SLC28A2: variants seen among roughly 807,000 people sequenced by gnomAD.
The protein encoded by SLC28A2 is sodium/nucleoside cotransporter 2.
SLC28A2 carries 69 observed loss-of-function variants against 72.9 expected under a neutral mutation model. The observed-to-expected ratio is 0.95, with a 90% CI of 0.78 to 1.16. The LOEUF is 1.16. SLC28A2 is among the 50% of genes most tolerant of loss of function. The probability of loss-of-function intolerance (pLI) is 0.00; values close to 1 mark genes in which losing one functional copy is unlikely to be tolerated. For synonymous variants in SLC28A2, 296 were observed against 294.1 expected (o/e 1.01, Z -0.07); for missense variants, 745 against 791.1 (o/e 0.94, Z 0.70).
At chr15:45,254,454 C>T (rs921936713) in intron 3 of SLC28A2, among the ~76,000 whole-genome samples, 1 of 152,150 alleles carries the variant, frequency 6.6e-6, no homozygotes, top group Admixed American at 6.6e-5. Flanking sequence ...TACCATTGTG[C>T]TATAGTTGCC....
chr15:45,272,008 A>G (rs769013403), intron 15 of SLC28A2: 12 of 328,932 alleles, frequency 3.6e-5, no homozygotes, highest in African/African-American at 6.4e-5. Flanking sequence ...AGAAACCCAG[A>G]GCCTTGCTTT....
chr15:45,268,162 G>A, intron 12 of SLC28A2, 48 bp from the exon 13 acceptor site: 1 of 1,547,676 alleles, frequency 6.5e-7, no homozygotes, highest in Non-Finnish European at 8.8e-7. Flanking sequence ...CTGAGGGGCT[G>A]AGACTGCTGT....
intron 13 of SLC28A2, among the ~76,000 whole-genome samples, chr15:45,268,910 T>C (rs370590779): frequency 2.0e-5 from 3 of 150,560 alleles, no homozygotes; most frequent in South Asian, 4.2e-4. Flanking sequence ...AGTAAACTAT[T>C]GCAAGGACAA....
intron 3 of SLC28A2, among the ~76,000 whole-genome samples, chr15:45,260,665 G>A (rs1257337008): frequency 6.6e-6 from 1 of 152,148 alleles, no homozygotes; most frequent in East Asian, 1.9e-4. Flanking sequence ...AGAAGGCTGA[G>A]GCAGGAGGGT....
rs1900735546 is a variant in SLC28A2 at position 45,275,723 on chromosome 15, C to G, written c.*210C>G. 4 of 448,966 alleles carry G rather than the reference C, an allele frequency of 8.9e-6. No homozygotes were observed. The highest frequency in any genetic ancestry group is 1.6e-5 in the Non-Finnish European group (4 of 248,952). 27.8% of individuals were successfully genotyped at this position (448,966 alleles called of 1,614,324 possible). ...GGCCGAGGCGGGCGGATCACAAGGT[C>G]AGGAGATCGAGACCATCCTGGCTAA... On this transcript the variant is annotated 3_prime_UTR_variant, in exon 18 of 18. Transcript: ENST00000347644.
At chr15:45,254,017 C>G (rs1227448550) in intron 3 of SLC28A2, 1 of 153,622 alleles carries the variant, frequency 6.5e-6, no homozygotes, top group African/African-American at 2.4e-5. Flanking sequence ...AGAAGAGTCT[C>G]AAGAATGAAG....
chr15:45,252,391 C>A, intron 1 of SLC28A2, 113 bp downstream of exon 1: 1 of 439,462 alleles, frequency 2.3e-6, no homozygotes, highest in South Asian at 1.6e-5. Flanking sequence ...CCCTAATTTA[C>A]ACAATATAAG....
At chr15:45,262,446 A>T (rs1595674762) in intron 4 of SLC28A2, among the ~76,000 whole-genome samples, 1 of 152,178 alleles carries the variant, frequency 6.6e-6, no homozygotes, top group East Asian at 1.9e-4. Flanking sequence ...TACCTTACTT[A>T]TTTGCTGGTT....
At chr15:45,274,981 A>C (rs1194260544) in intron 17 of SLC28A2, among the ~76,000 whole-genome samples, 2 of 152,218 alleles carry the variant, frequency 1.3e-5, no homozygotes, top group African/African-American at 4.8e-5. Flanking sequence ...TTCTAAAGCC[A>C]CATACTGAAG....
chr15:45,269,348 C>T lies in SLC28A2; in HGVS notation c.1379C>T (p.Ser460Phe), dbSNP rs758385565. The part of the protein sequence containing the change: ...IQGLTFQVIC[S>F]YLLRPMVFMM... Reference sequence around the variant, plus strand: ...CTCTCTTTCACTCAGGTCATCTGCTCCTATCTCCTAAGGCCCATGGTTTTC... The same window carrying T: ...CTCTCTTTCACTCAGGTCATCTGCTTCTATCTCCTAAGGCCCATGGTTTTC... Residue 460 changes from serine (S) to phenylalanine (F), a missense_variant, in exon 14 of 18, where the codon TCC (serine) becomes TTC (phenylalanine). Physicochemically the swap from Ser to Phe is radical, Grantham distance 155. Transcript: ENST00000347644. 1.1e-5 allele frequency: 18 copies of T among 1,613,638 alleles called. No homozygotes were observed. Among genetic ancestry groups the T allele is most frequent in the African/African-American group, 2.7e-5 (2 of 74,878 alleles).
Position 45,273,808 on chromosome 15 carries a change from A to C in SLC28A2, c.1859+1024A>C, listed in dbSNP as rs1043468758. Among the ~76,000 whole-genome samples, 4 of 152,320 alleles carry C rather than the reference A, an allele frequency of 2.6e-5. No homozygotes were observed. The East Asian group carries it at 5.8e-4, about 22-fold the overall frequency. ...ATAGGAGGAAGAGGTGGGGTGAAGA[A>C]GAGGAAGGAGTCTCAAGTGACTATC... is the stretch of plus-strand genomic sequence containing the variant. On this transcript the variant is annotated intron_variant, in intron 17 of 17. Transcript: ENST00000347644.
At position 45,272,730 on chromosome 15, in the gene SLC28A2, G is replaced by A; in HGVS notation, c.1805G>A (p.Ser602Asn). The A allele has an allele frequency of 6.2e-7, 1 of 1,613,430 alleles. No individual in the cohort carries two copies. Among genetic ancestry groups the A allele is most frequent in the Non-Finnish European group, 8.5e-7 (1 of 1,179,398 alleles). Residue 602 changes from serine (S) to asparagine (N), a missense_variant, in exon 17 of 18, where the codon AGT becomes AAT. Transcript: ENST00000347644. ...EADCVSFPNT[S>N]FTNRTYETYM... ...GACTGTGTCTCCTTCCCAAACACAA[G>A]TTTCACCAATAGAACCTATGAGACC...
rs1900753007 is a variant in SLC28A2, at chr15:45,276,289, A to G, written c.*776A>G. Reference sequence around the variant, plus strand: ...GATGGGAATTGAACAATGAGAACACATGGACACAGGAAGGGGAACATCACA... The same window carrying G: ...GATGGGAATTGAACAATGAGAACACGTGGACACAGGAAGGGGAACATCACA... On this transcript the variant is annotated 3_prime_UTR_variant, in exon 18 of 18. Coordinates refer to ENST00000347644, the MANE Select transcript of SLC28A2 (RefSeq NM_004212.4). The G allele has an allele frequency of 6.6e-6, 1 of 152,028 alleles. No individual in the cohort carries two copies. Among genetic ancestry groups the G allele is most frequent in the South Asian group, 2.1e-4 (1 of 4,824 alleles). 9.4% of individuals were successfully genotyped at this position (152,028 alleles called of 1,614,324 possible).
At chr15:45,260,094 C>T (rs981302633) in intron 3 of SLC28A2, among the ~76,000 whole-genome samples, 1 of 152,088 alleles carries the variant, frequency 6.6e-6, no homozygotes, top group Non-Finnish European at 1.5e-5. Flanking sequence ...TATGGTGACA[C>T]CATAAGAAAG....
intron 10 of SLC28A2, among the ~76,000 whole-genome samples, chr15:45,267,008 C>A (rs974050128): frequency 1.3e-5 from 2 of 152,098 alleles, no homozygotes; most frequent in African/African-American, 2.4e-5. Flanking sequence ...AACATTATTT[C>A]TTTTGATCCA....
At position 45,263,950 on chromosome 15, in the gene SLC28A2, G is replaced by T. The variant is rs113624548; in HGVS notation, c.516G>T (p.Glu172Asp). The change falls in exon 6 of 18, where the codon GAG (glutamate) becomes GAT (aspartate). Residue 172 changes from glutamate to aspartate, a missense_variant. Coordinates refer to ENST00000347644, the MANE Select transcript of SLC28A2 (RefSeq NM_004212.4). ...CTTTAGACACAGCCCAAAGGCCAGA[G>T]CAGCTGATCCCCTTTGCAGGAATCT... ...WLALDTAQRP[E>D]QLIPFAGICM... 3.6e-3 allele frequency: 5,847 copies of T among 1,613,688 alleles called. 26 individuals are homozygous for T. Among genetic ancestry groups the T allele is most frequent in the Middle Eastern group, 4.5e-3 (27 of 6,060 alleles).
At position 45,275,630 on chromosome 15, in the gene SLC28A2, A is replaced by G; in HGVS notation, c.*117A>G. 1.4e-6 allele frequency: 1 copy of G among 695,342 alleles called. No homozygotes were observed. Among genetic ancestry groups the G allele is most frequent in the South Asian group, 1.7e-5 (1 of 57,338 alleles). 43.1% of individuals were successfully genotyped at this position (695,342 alleles called of 1,614,324 possible). ...ACCAAGATGTTTAACAGTAAGTAAC[A>G]GTAAATGTAAAAGATTCATTTTGGG... On this transcript the variant is annotated 3_prime_UTR_variant, in exon 18 of 18. Coordinates refer to ENST00000347644, the MANE Select transcript of SLC28A2 (RefSeq NM_004212.4).
At chr15:45,256,449 CTGTCA>C (rs1244237709) in intron 3 of SLC28A2, among the ~76,000 whole-genome samples, 5 of 152,056 alleles carry the variant, frequency 3.3e-5, no homozygotes, top group Non-Finnish European at 5.9e-5. Context: ...GAGTCTCACT[CTGTCA>C]TCCAGGCTGG....
rs765577781 is a variant in SLC28A2, at chr15:45,266,132, G to A, written c.913G>A (p.Ala305Thr). 6.8e-6 allele frequency: 11 copies of A among 1,613,804 alleles called. No individual in the cohort carries two copies. Among genetic ancestry groups the A allele is most frequent in the Non-Finnish European group, 6.8e-6 (8 of 1,179,706 alleles). ...GGGCACCACTGCTACAGAGACCCTG[G>A]CTGTGGCAGGAAACATCTTTGTGGG... ...TMGTTATETL[A>T]VAGNIFVGMT... The change falls in exon 10 of 18, where the codon GCT (alanine) becomes ACT (threonine). Residue 305 changes from alanine (A) to threonine (T), a missense_variant. Ala to Thr is a moderately conservative substitution (Grantham distance 58, BLOSUM62 0). Coordinates refer to ENST00000347644, the MANE Select transcript of SLC28A2 (RefSeq NM_004212.4).
Sources: gnomAD v4.1 joint callset for allele counts (sites outside exome capture counted in the v4.1 genomes callset) on GRCh38, gnomAD v4.1.1 for gene constraint, MANE v1.5 for transcripts, NCBI Gene and HGNC (gene_info 2026-07-23, HGNC 2026-07-21) for gene names.